The following EHBP1 variants were observed in gnomAD, a reference collection of about 807,000 sequenced individuals.
EHBP1 encodes the protein EH domain-binding protein 1.
In EHBP1, 55 loss-of-function variants were observed where a neutral mutation model predicts 144.0. That is an observed-to-expected ratio of 0.38 (90% CI 0.31 to 0.48). The LOEUF (loss-of-function observed/expected upper bound fraction) is 0.48, where lower values mean the gene tolerates loss of function less well. EHBP1 is among the 20% of genes least tolerant of loss of function. EHBP1 has a pLI of 0.98. For missense variants in EHBP1, 1,200 were observed against 1,364.2 expected (o/e 0.88, Z 1.90); for synonymous variants, 469 against 472.7 (o/e 0.99, Z 0.10).
In EHBP1 at chr2:62,826,205, A is replaced by G. The variant is rs968819694; in HGVS notation, c.431A>G (p.Lys144Arg). 1.2e-6 allele frequency: 2 copies of G among 1,611,590 alleles called. No homozygotes were observed. The highest frequency in any genetic ancestry group is 2.7e-5 in the African/African-American group (2 of 74,768). Residue 144 changes from lysine (K) to arginine (R), a missense_variant, in exon 6 of 23, where the codon AAA becomes AGA. Lys to Arg is a conservative substitution (Grantham distance 26). Coordinates refer to ENST00000431489, the MANE Select transcript of EHBP1 (RefSeq NM_001142616.3). ...TTAAAATTCAAGCCATTATCTAAAAAAGTTGTATCTGCCGCTCTTCAGTTT... is the reference window on the plus strand; with the variant it reads ...TTAAAATTCAAGCCATTATCTAAAAGAGTTGTATCTGCCGCTCTTCAGTTT... ...VKLKFKPLSKKVVSAALQFSL... is the reference protein window; with the variant it reads ...VKLKFKPLSKRVVSAALQFSL...
chr2:62,837,519 G>A (rs1318432279), intron 7 of EHBP1, among the ~76,000 whole-genome samples: 2 of 151,972 alleles, frequency 1.3e-5, no homozygotes, highest in African/African-American at 4.8e-5. Context: ...TGGACTAAAT[G>A]CTCCAATTAA....
intron 10 of EHBP1, among the ~76,000 whole-genome samples, chr2:62,909,261 C>T (rs1192370531): frequency 1.3e-5 from 2 of 152,076 alleles, no homozygotes; most frequent in African/African-American, 4.8e-5. Context: ...TCAATGCAAC[C>T]TCCACCTCCC....
At chr2:62,893,823 C>T (rs892208070) in intron 10 of EHBP1, among the ~76,000 whole-genome samples, 3 of 152,112 alleles carry the variant, frequency 2.0e-5, no homozygotes, top group Non-Finnish European at 4.4e-5. Flanking sequence ...ACAGGCAGAT[C>T]ACTTGAGCTC....
chr2:62,723,846 G>A (rs2036472578), intron 2 of EHBP1, among the ~76,000 whole-genome samples: 1 of 152,146 alleles, frequency 6.6e-6, no homozygotes, highest in Non-Finnish European at 1.5e-5. Flanking sequence ...CTGCTGAGAG[G>A]TCCACTGTTA....
chr2:62,932,627 G>A (rs1431027456), intron 10 of EHBP1, among the ~76,000 whole-genome samples: 1 of 152,120 alleles, frequency 6.6e-6, no homozygotes, highest in Non-Finnish European at 1.5e-5. Flanking sequence ...TCAAAACAAT[G>A]TGAATATACT....
intron 10 of EHBP1, among the ~76,000 whole-genome samples, chr2:62,926,294 A>G (rs1270001211): frequency 1.3e-5 from 2 of 152,166 alleles, no homozygotes; most frequent in Admixed American, 6.5e-5. Context: ...AAACACTTCA[A>G]GACCTCAAAC....
intron 19 of EHBP1, among the ~76,000 whole-genome samples, chr2:63,004,600 A>G (rs2153230841): frequency 6.6e-6 from 1 of 152,258 alleles, no homozygotes; most frequent in Non-Finnish European, 1.5e-5. Context: ...AATAACTTCA[A>G]TAAAATAAGA....
At chr2:62,962,430 C>T (rs917173313) in intron 14 of EHBP1, among the ~76,000 whole-genome samples, 4 of 151,926 alleles carry the variant, frequency 2.6e-5, no homozygotes, top group African/African-American at 9.7e-5. Context: ...TTTAATAAGC[C>T]CACCATTACA....
intron 14 of EHBP1, among the ~76,000 whole-genome samples, chr2:62,978,075 G>T (rs936073774): frequency 5.3e-5 from 8 of 152,096 alleles, no homozygotes; most frequent in Non-Finnish European, 7.3e-5. Flanking sequence ...AGATAACCCT[G>T]CAAAGATATG....
chr2:63,012,923 T>A (rs2060329376), intron 19 of EHBP1, among the ~76,000 whole-genome samples: 1 of 152,104 alleles, frequency 6.6e-6, no homozygotes, highest in African/African-American at 2.4e-5. Context: ...AATAGTAGCA[T>A]TAATGTAGCC....
intron 13 of EHBP1, among the ~76,000 whole-genome samples, chr2:62,953,852 C>A (rs990166389): frequency 6.6e-6 from 1 of 151,750 alleles, no homozygotes; most frequent in South Asian, 2.1e-4. Context: ...GTCTTAAGAC[C>A]AAAACATCTT....
rs543005307 is a variant in EHBP1, at chr2:62,809,372, A to G, written c.313-16715A>G. Among the ~76,000 whole-genome samples the G allele has an allele frequency of 1.1e-3, 164 of 151,812 alleles. 3 individuals are homozygous for G. The South Asian group carries it at 0.029, about 27-fold the overall frequency. On this transcript the variant is annotated intron_variant, in intron 5 of 22. Transcript: ENST00000431489. ...ATGGTTCCTCCTCCCCTCTCCCCCA[A>G]CTGGAAGCCCAAGGGAATTTTCTAC...
intron 19 of EHBP1, among the ~76,000 whole-genome samples, chr2:63,028,562 C>T (rs1002641602): frequency 2.6e-5 from 4 of 152,076 alleles, no homozygotes; most frequent in Admixed American, 2.6e-4. Context: ...TCCACCACCC[C>T]CAGCCAATTT....
intron 21 of EHBP1, among the ~76,000 whole-genome samples, chr2:63,041,099 T>G (rs2061642734): frequency 6.6e-6 from 1 of 152,162 alleles, no homozygotes; most frequent in African/African-American, 2.4e-5. Flanking sequence ...GAGAACAGCA[T>G]AGAATATTGA....
At chr2:62,826,381 C>A in intron 6 of EHBP1, 113 bp downstream of exon 6, 1 of 1,023,786 alleles carries the variant, frequency 9.8e-7, no homozygotes, top group Non-Finnish European at 1.3e-6. Flanking sequence ...ATCATTTTTG[C>A]CATTCTTTGT....
At chr2:62,699,604 T>C (rs1451625931) in intron 1 of EHBP1, among the ~76,000 whole-genome samples, 1 of 152,210 alleles carries the variant, frequency 6.6e-6, no homozygotes, top group Non-Finnish European at 1.5e-5. Flanking sequence ...AAGGGCACTC[T>C]AGAGTTAGGG....
chr2:62,885,466 A>G (rs1161413946), intron 10 of EHBP1, among the ~76,000 whole-genome samples: 3 of 152,244 alleles, frequency 2.0e-5, no homozygotes, highest in East Asian at 3.8e-4. Context: ...GTAACCATCC[A>G]GTAAAATAAG....
chr2:62,926,007 A>G (rs532109467), intron 10 of EHBP1, among the ~76,000 whole-genome samples: 1 of 152,314 alleles, frequency 6.6e-6, no homozygotes, highest in African/African-American at 2.4e-5. Context: ...AAAGTGTATG[A>G]CAAAACTATT....
chr2:62,849,022 C>G (rs2048493030), intron 7 of EHBP1, among the ~76,000 whole-genome samples: 2 of 152,134 alleles, frequency 1.3e-5, no homozygotes, highest in Admixed American at 1.3e-4. Context: ...TAGCTGGTCT[C>G]CTGACTGTGT....
Sources: gnomAD v4.1 joint callset for allele counts (sites outside exome capture counted in the v4.1 genomes callset) on GRCh38, gnomAD v4.1.1 for gene constraint, MANE v1.5 for transcripts, NCBI Gene and HGNC (gene_info 2026-07-23, HGNC 2026-07-21) for gene names.